The following OXR1 variants were observed in gnomAD, a reference collection of about 807,000 sequenced individuals.
OXR1 encodes oxidation resistance 1, also known as oxidation resistance protein 1.
A neutral mutation model predicts 104.6 loss-of-function variants in OXR1; 41 were observed. That is an observed-to-expected ratio of 0.39 (90% confidence interval 0.31 to 0.51). The LOEUF (loss-of-function observed/expected upper bound fraction) is 0.51. Ranked by LOEUF, OXR1 falls within the 20% of genes least tolerant of loss-of-function variation. OXR1 has a pLI of 0.77. For missense variants in OXR1, 955 were observed against 1,031.9 expected (o/e 0.93, Z 1.02); for synonymous variants, 348 against 348.4 (o/e 1.00, Z 0.01).
intron 4 of OXR1, among the ~76,000 whole-genome samples, chr8:106,680,592 C>T (rs950381109): frequency 6.6e-6 from 1 of 152,022 alleles, no homozygotes; most frequent in African/African-American, 2.4e-5. Context: ...TTGATTGTAT[C>T]TTCTGTCTGC....
chr8:106,671,874 C>T (rs947598656), intron 3 of OXR1, among the ~76,000 whole-genome samples: 7 of 150,298 alleles, frequency 4.7e-5, no homozygotes, highest in African/African-American at 9.8e-5. Flanking sequence ...TTGTAAATGA[C>T]GAGTTAATGA....
intron 2 of OXR1, among the ~76,000 whole-genome samples, chr8:106,405,147 T>C (rs1035965945): frequency 2.4e-4 from 4 of 16,780 alleles, no homozygotes; most frequent in African/African-American, 1.4e-3. Context: ...ACCACATATA[T>C]ATATATATAT....
At chr8:106,292,376 G>C (rs1812789754) in intron 1 of OXR1, among the ~76,000 whole-genome samples, 2 of 152,142 alleles carry the variant, frequency 1.3e-5, no homozygotes, top group Admixed American at 1.3e-4. Flanking sequence ...AAGAAATTGT[G>C]GAGAAGGAAA....
chr8:106,710,391 A>G (rs1342624991), intron 9 of OXR1, among the ~76,000 whole-genome samples: 1 of 152,044 alleles, frequency 6.6e-6, no homozygotes, highest in Non-Finnish European at 1.5e-5. Flanking sequence ...TAATGTCCTT[A>G]GACATAATTT....
chr8:106,665,948 T>C (rs1242659571), intron 3 of OXR1, among the ~76,000 whole-genome samples: 4 of 150,926 alleles, frequency 2.7e-5, no homozygotes, highest in Non-Finnish European at 5.9e-5. Flanking sequence ...ATAGTGAGAA[T>C]ATAACAAAAA....
intron 6 of OXR1, among the ~76,000 whole-genome samples, chr8:106,687,745 A>G (rs1480452597): frequency 1.3e-5 from 2 of 151,508 alleles, no homozygotes; most frequent in African/African-American, 4.8e-5. Context: ...TTGATGTGCC[A>G]TCTGTTTTTT....
intron 2 of OXR1, among the ~76,000 whole-genome samples, chr8:106,500,399 T>C (rs564106219): frequency 3.3e-5 from 5 of 152,326 alleles, no homozygotes; most frequent in East Asian, 3.9e-4. Context: ...TAGAAGAACA[T>C]TGTGAAACTC....
rs542574914 is a variant in OXR1, at chr8:106,291,574, G to T, written c.-139+21207G>T. On this transcript the variant is annotated intron_variant, in intron 1 of 16. Transcript: ENST00000517566. Reference sequence around the variant, plus strand: ...CCTTTTCAAGGTTTCTGTTACCAGTGGTCAATCACAGTCTGAAAATATTAA... The same window carrying T: ...CCTTTTCAAGGTTTCTGTTACCAGTTGTCAATCACAGTCTGAAAATATTAA... Among the ~76,000 whole-genome samples, 68 of 152,208 alleles carry T rather than the reference G, an allele frequency of 4.5e-4. 1 individual carries two copies. The highest frequency in any genetic ancestry group is 1.5e-3 in the African/African-American group (63 of 41,536).
chr8:106,536,179 C>T (rs1226751437), intron 3 of OXR1, among the ~76,000 whole-genome samples: 2 of 150,854 alleles, frequency 1.3e-5, no homozygotes, highest in African/African-American at 4.9e-5. Context: ...GAGATCGCGC[C>T]ACTGCACTCC....
Position 106,597,696 on chromosome 8 carries a change from A to G in OXR1, c.220+78557A>G, listed in dbSNP as rs1013004530. Among the ~76,000 whole-genome samples, 4 of 152,170 alleles carry G rather than the reference A, an allele frequency of 2.6e-5. No individual in the cohort carries two copies. The South Asian group carries it at 8.3e-4, about 32-fold the overall frequency. On this transcript the variant is annotated intron_variant, in intron 3 of 16. Transcript: ENST00000517566. ...TGGAATTATTTCCATATTCTAGGTG[A>G]AAAGATGAAGCTTACAGGTTTGCTT...
intron 3 of OXR1, chr8:106,581,129 T>A (rs2130626569): frequency 1.6e-6 from 2 of 1,261,816 alleles, no homozygotes; most frequent in East Asian, 1.1e-4. Flanking sequence ...ACTTAAAGAT[T>A]TAGAATTTTG....
intron 2 of OXR1, among the ~76,000 whole-genome samples, chr8:106,363,038 G>A (rs1816315088): frequency 6.6e-6 from 1 of 152,190 alleles, no homozygotes; most frequent in African/African-American, 2.4e-5. Context: ...CCCCAAATCT[G>A]TTAAAGACTG....
At chr8:106,373,354 G>A (rs1264959346) in intron 2 of OXR1, among the ~76,000 whole-genome samples, 1 of 152,076 alleles carries the variant, frequency 6.6e-6, no homozygotes, top group African/African-American at 2.4e-5. Context: ...ACACAAAAGT[G>A]CATTAAACAA....
intron 2 of OXR1, among the ~76,000 whole-genome samples, chr8:106,453,584 C>T (rs1227817746): frequency 6.6e-6 from 1 of 152,212 alleles, no homozygotes; most frequent in Non-Finnish European, 1.5e-5. Context: ...CCTCCTACCA[C>T]CAGTTCCTTT....
intron 1 of OXR1, among the ~76,000 whole-genome samples, chr8:106,299,011 C>T (rs575938743): frequency 6.6e-6 from 1 of 151,774 alleles, no homozygotes; most frequent in South Asian, 2.1e-4. Context: ...CACACATATA[C>T]AGATATACAA....
chr8:106,324,275 C>T (rs1369200727), intron 1 of OXR1, among the ~76,000 whole-genome samples: 1 of 152,132 alleles, frequency 6.6e-6, no homozygotes, highest in Non-Finnish European at 1.5e-5. Flanking sequence ...AAACCCAATA[C>T]TGCATGTTCT....
Position 106,668,852 on chromosome 8 carries a change from C to T in OXR1, c.221-10358C>T, listed in dbSNP as rs556048598. On this transcript the variant is annotated intron_variant, in intron 3 of 16. Coordinates refer to ENST00000517566, the MANE Select transcript of OXR1 (RefSeq NM_001198533.2). ...TACGCAGTCTGCAGGTCTTTGATCT[C>T]TTCAGAAGCTCTATTTGTATGTCTC... 5.3e-5 allele frequency among the ~76,000 whole-genome samples: 8 copies of T among 152,256 alleles called. No homozygotes were observed. In the South Asian group the frequency reaches 1.7e-3, roughly 32 times the overall value.
intron 2 of OXR1, among the ~76,000 whole-genome samples, chr8:106,385,943 G>T (rs969782244): frequency 1.3e-5 from 2 of 152,118 alleles, no homozygotes; most frequent in Non-Finnish European, 2.9e-5. Flanking sequence ...TCTAGGTTCT[G>T]CCAAGCAGAT....
intron 2 of OXR1, among the ~76,000 whole-genome samples, chr8:106,454,221 T>C (rs1013120043): frequency 1.3e-5 from 2 of 151,888 alleles, no homozygotes; most frequent in African/African-American, 4.8e-5. Context: ...CTTAAAAGAG[T>C]GATTTTAGGC....
Sources: gnomAD v4.1 joint callset for allele counts (sites outside exome capture counted in the v4.1 genomes callset) on GRCh38, gnomAD v4.1.1 for gene constraint, MANE v1.5 for transcripts, NCBI Gene and HGNC (gene_info 2026-07-23, HGNC 2026-07-21) for gene names.